Variants in FAT4 observed in about 807,000 individuals in gnomAD.
FAT4 encodes the protein protocadherin Fat 4.
A neutral mutation model predicts 303.9 loss-of-function variants in FAT4; 84 were observed. That is an observed-to-expected ratio of 0.28 (90% CI 0.23 to 0.33). The LOEUF is 0.33. Ranked by LOEUF, FAT4 falls within the 10% of genes least tolerant of loss-of-function variation. The pLI, the probability that FAT4 is intolerant of heterozygous loss-of-function variation, is 1.00. For synonymous variants in FAT4, 2,307 were observed against 2,298.8 expected, an observed-to-expected ratio of 1.00 and a Z score of -0.10; for missense variants, 6,005 against 6,146.8, an observed-to-expected ratio of 0.98 and a Z score of 0.77.
intron 7 of FAT4, among the ~76,000 whole-genome samples, chr4:125,430,067 G>A (rs530767967): frequency 9.5e-4 from 144 of 151,832 alleles, no homozygotes; most frequent in African/African-American, 3.4e-3. Context: ...TGTAAATGAT[G>A]AGTTAATGGG....
rs201838109 is a variant in FAT4, at chr4:125,449,457, C to T, written c.8447C>T (p.Ala2816Val). The change falls in exon 10 of 18, where the codon GCA becomes GTA. Residue 2816 changes from alanine to valine, a missense_variant. By Grantham distance (64) the Ala-to-Val change is moderately conservative. Transcript: ENST00000394329. Reference protein sequence around the residue: ...NAISRYSIMDASLPFTINPST... With the variant: ...NAISRYSIMDVSLPFTINPST... Reference sequence around the variant, plus strand: ...ATTAGTAGATATTCTATAATGGATGCAAGTCTTCCATTTACAATTAATCCC... The same window carrying T: ...ATTAGTAGATATTCTATAATGGATGTAAGTCTTCCATTTACAATTAATCCC... The T allele has an allele frequency of 3.2e-5, 52 of 1,613,614 alleles. No individual in the cohort carries two copies. Among genetic ancestry groups the T allele is most frequent in the Non-Finnish European group, 4.2e-5 (50 of 1,179,794 alleles).
intron 2 of FAT4, among the ~76,000 whole-genome samples, chr4:125,372,924 C>G (rs969415506): frequency 6.6e-6 from 1 of 152,124 alleles, no homozygotes; most frequent in African/African-American, 2.4e-5. Flanking sequence ...AGTCTATGCT[C>G]TCATGGATGT....
At chr4:125,338,312 A>AG (rs1269837956) in intron 2 of FAT4, among the ~76,000 whole-genome samples, 1 of 152,196 alleles carries the variant, frequency 6.6e-6, no homozygotes, top group Non-Finnish European at 1.5e-5. Flanking sequence ...ACTGTCATTT[A>AG]GACAATAACT....
rs551824078 is a variant in FAT4, at chr4:125,385,833, T to G, written c.5176-12951T>G. On this transcript the variant is annotated intron_variant, in intron 2 of 17. Transcript: ENST00000394329. Reference sequence around the variant, plus strand: ...CTTAAAAGTCAATTTTTAAAAAAAATTCAGCTTTTCGTCCAGCTTTTTGTC... The same window carrying G: ...CTTAAAAGTCAATTTTTAAAAAAAAGTCAGCTTTTCGTCCAGCTTTTTGTC... Among the ~76,000 whole-genome samples the G allele has an allele frequency of 1.7e-3, 261 of 152,322 alleles. 3 individuals carry two copies. Among genetic ancestry groups the G allele is most frequent in the African/African-American group, 5.7e-3 (239 of 41,572 alleles).
At position 125,468,862 on chromosome 4, in the gene FAT4, C is replaced by T. The variant is rs568239579; in HGVS notation, c.12213+43C>T. ...ATTGTTGTTGTATATCCAACTGGAT[C>T]TTCAAATAAAGTATGAATTGGGGTG... On this transcript the variant is annotated intron_variant, in intron 12 of 17. Transcript: ENST00000394329. 4 of 1,549,884 alleles carry T rather than the reference C, an allele frequency of 2.6e-6. No homozygotes were observed. The African/African-American group carries it at 4.1e-5, about 16-fold the overall frequency.
intron 7 of FAT4, among the ~76,000 whole-genome samples, chr4:125,431,214 A>G (rs976269058): frequency 6.6e-6 from 1 of 152,146 alleles, no homozygotes; most frequent in Admixed American, 6.5e-5. Context: ...GCGGTTACTT[A>G]TTTTCTAATT....
intron 15 of FAT4, among the ~76,000 whole-genome samples, chr4:125,480,502 C>T (rs768824589): frequency 6.6e-6 from 1 of 152,094 alleles, no homozygotes; most frequent in African/African-American, 2.4e-5. Flanking sequence ...CTAATGGTTC[C>T]TCTTTTGTAA....
At chr4:125,357,763 A>G (rs138428666) in intron 2 of FAT4, among the ~76,000 whole-genome samples, 4 of 152,286 alleles carry the variant, frequency 2.6e-5, no homozygotes, top group African/African-American at 9.6e-5. Context: ...GGGCCTTTAC[A>G]AAGGGCTCAG....
chr4:125,468,706 GAAGA>G lies in FAT4; in HGVS notation c.12105_12108del (p.Glu4035AspfsTer2). On this transcript the variant is annotated frameshift_variant, in exon 12 of 18. Transcript: ENST00000394329. LOFTEE classifies it high-confidence loss of function. ...TGAGTTTTTGGCCCTTGAAATTGCC[GAAGA>G]AAGACTAAGATTCTCTTATAATTTA... 6.2e-7 allele frequency: 1 copy of G among 1,614,114 alleles called. No individual in the cohort carries two copies. Among genetic ancestry groups the G allele is most frequent in the Non-Finnish European group, 8.5e-7 (1 of 1,180,000 alleles).
chr4:125,451,583 CCAGG>C lies in FAT4; in HGVS notation c.10576_10579del (p.Gly3526LeufsTer3). 6.2e-7 allele frequency: 1 copy of C among 1,614,120 alleles called. No homozygotes were observed. Among genetic ancestry groups the C allele is most frequent in the Non-Finnish European group, 8.5e-7 (1 of 1,180,014 alleles). On this transcript the variant is annotated frameshift_variant, in exon 10 of 18. Coordinates refer to ENST00000394329, the MANE Select transcript of FAT4 (RefSeq NM_001291303.3). LOFTEE classifies it high-confidence loss of function. ...AGGAGAAGTCATGGAAAACAAACGG[CCAGG>C]CACTTTGGTGATGACCCTTCAGTCC...
At chr4:125,401,380 C>T (rs1389839501) in intron 3 of FAT4, among the ~76,000 whole-genome samples, 1 of 151,856 alleles carries the variant, frequency 6.6e-6, no homozygotes, top group Admixed American at 6.6e-5. Context: ...CAGCTCCTTA[C>T]CTCTTAGCCA....
In FAT4 at chr4:125,487,240, T is replaced by C; in HGVS notation, c.12823-105T>C. ...TAATACAACCAGATTCTTCAGCTAT[T>C]CTATCTGCTGTGGACTGGTCAAAAA... On this transcript the variant is annotated intron_variant, in intron 16 of 17. Transcript: ENST00000394329. 5.2e-6 allele frequency: 5 copies of C among 953,246 alleles called. No individual in the cohort carries two copies. The East Asian group carries it at 1.3e-4, about 25-fold the overall frequency. 59.0% of individuals were successfully genotyped at this position (953,246 alleles called of 1,614,324 possible). A position where few individuals can be genotyped will look rare whatever the true frequency, so the allele number is the denominator to read the frequency against.
chr4:125,386,971 A>T lies in FAT4; in HGVS notation c.5176-11813A>T, dbSNP rs562963901. On this transcript the variant is annotated intron_variant, in intron 2 of 17. Coordinates refer to ENST00000394329, the MANE Select transcript of FAT4 (RefSeq NM_001291303.3). ...TCCACCTCAGGCCATCAGGCATTAG[A>T]TTCTCATAAAGAGCGTGCAACCTAG... 1.4e-3 allele frequency among the ~76,000 whole-genome samples: 211 copies of T among 152,228 alleles called. 3 individuals carry two copies. The South Asian group carries it at 0.04, about 29-fold the overall frequency.
intron 2 of FAT4, among the ~76,000 whole-genome samples, chr4:125,334,334 T>A (rs1366698421): frequency 1.3e-5 from 2 of 152,038 alleles, no homozygotes; most frequent in Non-Finnish European, 2.9e-5. Context: ...CCCCCTCACC[T>A]CTTCCCATGC....
At chr4:125,383,535 A>T (rs946901688) in intron 2 of FAT4, among the ~76,000 whole-genome samples, 4 of 137,614 alleles carry the variant, frequency 2.9e-5, no homozygotes, top group African/African-American at 5.0e-5. Context: ...ATAATGAAAA[A>T]GTTTGATGTA....
At chr4:125,388,607 T>A (rs911055616) in intron 2 of FAT4, among the ~76,000 whole-genome samples, 13 of 152,220 alleles carry the variant, frequency 8.5e-5, no homozygotes, top group Admixed American at 8.5e-4. Flanking sequence ...TGATGTTTTA[T>A]TCTGCATTTA....
chr4:125,378,250 G>C (rs966458530), intron 2 of FAT4, among the ~76,000 whole-genome samples: 2 of 152,064 alleles, frequency 1.3e-5, no homozygotes, highest in Admixed American at 1.3e-4. Flanking sequence ...ATAAAGAATA[G>C]CTTTAAGAAT....
At position 125,370,499 on chromosome 4, in the gene FAT4, C is replaced by G. The variant is rs554284592; in HGVS notation, c.5176-28285C>G. Among the ~76,000 whole-genome samples the G allele has an allele frequency of 7.9e-5, 12 of 152,194 alleles. No individual in the cohort carries two copies. The South Asian group carries it at 2.5e-3, about 32-fold the overall frequency. ...GAATAAAAGCAGCTCTACTTTACAG[C>G]CATAGGAAGCACATACATATTCAGC... On this transcript the variant is annotated intron_variant, in intron 2 of 17. Transcript: ENST00000394329.
Position 125,365,868 on chromosome 4 carries a change from C to T in FAT4, c.5176-32916C>T, listed in dbSNP as rs186722984. Among the ~76,000 whole-genome samples the T allele has an allele frequency of 1.1e-3, 160 of 152,210 alleles. 4 individuals are homozygous for T. The East Asian group carries it at 0.024, about 23-fold the overall frequency. On this transcript the variant is annotated intron_variant, in intron 2 of 17. Coordinates refer to ENST00000394329, the MANE Select transcript of FAT4 (RefSeq NM_001291303.3). ...TATATAGGTCAGGAGTTCCCAACCC[C>T]GGGGCCACTGACCAGTACGGGTCTG...
Sources: allele counts gnomAD v4.1 joint callset (sites outside exome capture counted in the v4.1 genomes callset), GRCh38; gene constraint gnomAD v4.1.1; transcripts MANE v1.5; gene names NCBI Gene and HGNC (gene_info 2026-07-23, HGNC 2026-07-21).